Variants in GPR158 observed in about 807,000 individuals in gnomAD.
GPR158 encodes the protein G protein-coupled receptor 158.
Under a neutral mutation model 78.2 loss-of-function variants are expected in GPR158, and 30 were observed. The ratio of observed to expected loss-of-function variants is 0.38; its 90% CI spans 0.29 to 0.52. The LOEUF (loss-of-function observed/expected upper bound fraction) is 0.52. GPR158 is among the 20% of genes least tolerant of loss of function. The probability of loss-of-function intolerance (pLI) is 0.83; values close to 1 mark genes in which losing one functional copy is unlikely to be tolerated. For missense variants in GPR158, 1,463 were observed against 1,523.5 expected (o/e 0.96, Z 0.66); for synonymous variants, 581 against 591.1 (o/e 0.98, Z 0.25).
chr10:25,219,719 C>G (rs1853272143), intron 1 of GPR158, among the ~76,000 whole-genome samples: 1 of 152,078 alleles, frequency 6.6e-6, no homozygotes, highest in Non-Finnish European at 1.5e-5. Context: ...TTTATTCACC[C>G]CAAAGGAAGC....
chr10:25,487,598 T>C (rs1835751715), intron 5 of GPR158, among the ~76,000 whole-genome samples: 1 of 152,182 alleles, frequency 6.6e-6, no homozygotes, highest in Non-Finnish European at 1.5e-5. Flanking sequence ...GACCTTGGGT[T>C]ACTCATTTCA....
chr10:25,319,297 G>T (rs1248809529), intron 2 of GPR158, among the ~76,000 whole-genome samples: 1 of 152,086 alleles, frequency 6.6e-6, no homozygotes, highest in Non-Finnish European at 1.5e-5. Flanking sequence ...CATCACACTT[G>T]TCACAGTATA....
chr10:25,597,689 CT>C lies in GPR158; in HGVS notation c.2146-82del, dbSNP rs925297766. The stretch of plus-strand genomic sequence containing the variant: ...TGCCCCAAATTAGAGCCCAAGTTTA[CT>C]GAATTCCAATACCATGTAGTGATCT... On this transcript the variant is annotated intron_variant, in intron 10 of 10. Coordinates refer to ENST00000376351, the MANE Select transcript of GPR158 (RefSeq NM_020752.3). The C allele has an allele frequency of 6.3e-6, 7 of 1,114,276 alleles. No homozygotes were observed. The African/African-American group carries it at 9.4e-5, about 15-fold the overall frequency. The allele number at this position is 1,114,276 out of a possible 1,614,324, so 69.0% of individuals were successfully genotyped here.
intron 4 of GPR158, among the ~76,000 whole-genome samples, chr10:25,425,716 C>A (rs530321458): frequency 6.6e-6 from 1 of 151,556 alleles, no homozygotes; most frequent in Non-Finnish European, 1.5e-5. Flanking sequence ...AACAAACAAT[C>A]CCATTTTATG....
At chr10:25,418,853 C>A (rs889790549) in intron 4 of GPR158, among the ~76,000 whole-genome samples, 26 of 149,488 alleles carry the variant, frequency 1.7e-4, no homozygotes, top group Admixed American at 2.7e-4. Context: ...AAAACATGGA[C>A]ACACTGTAGT....
intron 2 of GPR158, among the ~76,000 whole-genome samples, chr10:25,315,258 C>T (rs563684429): frequency 1.3e-5 from 2 of 152,130 alleles, no homozygotes; most frequent in Admixed American, 1.3e-4. Context: ...TCTTGCATAT[C>T]TTGTCATTTC....
At chr10:25,318,379 A>G (rs886556043) in intron 2 of GPR158, among the ~76,000 whole-genome samples, 1 of 151,678 alleles carries the variant, frequency 6.6e-6, no homozygotes, top group Non-Finnish European at 1.5e-5. Context: ...TTTCCGTGTA[A>G]TTACACTTTG....
At position 25,317,716 on chromosome 10, in the gene GPR158, G is replaced by GTTTTTTTTTTTTTTT. The variant is rs756759445; in HGVS notation, c.1009-78186_1009-78185insTTTTTTTTTTTTTTT. Among the ~76,000 whole-genome samples the GTTTTTTTTTTTTTTT allele has an allele frequency of 9.2e-4, 123 of 134,030 alleles. 10 individuals are homozygous for GTTTTTTTTTTTTTTT. The highest frequency in any genetic ancestry group is 3.9e-3 in the Middle Eastern group (1 of 254). The allele number at this position is 134,030 out of a possible 152,430, so 87.9% of individuals were successfully genotyped here. On this transcript the variant is annotated intron_variant, in intron 2 of 10. Coordinates refer to ENST00000376351, the MANE Select transcript of GPR158 (RefSeq NM_020752.3). ...TTAAATTCTGTTTTCTTCGTAAAGTGTTTTTTTTTGTTTTGTTTTGTTTTG... is the reference window on the plus strand; with the variant it reads ...TTAAATTCTGTTTTCTTCGTAAAGTGTTTTTTTTTTTTTTTTTTTTTTTTGTTTTGTTTTGTTTTG...
At chr10:25,302,612 C>T (rs58585465) in intron 2 of GPR158, among the ~76,000 whole-genome samples, 30,753 of 151,940 alleles carry the variant, frequency 0.2, 5,256 homozygotes, top group African/African-American at 0.47. Flanking sequence ...TTGGGACTTG[C>T]GAGCCACATA....
At chr10:25,269,645 CCAGA>C (rs1487813621) in intron 2 of GPR158, among the ~76,000 whole-genome samples, 1 of 152,162 alleles carries the variant, frequency 6.6e-6, no homozygotes, top group East Asian at 1.9e-4. Context: ...ACAGTATAGA[CCAGA>C]CACTCACGTA....
intron 6 of GPR158, among the ~76,000 whole-genome samples, chr10:25,569,351 G>T (rs1414044): frequency 5.9e-5 from 9 of 152,024 alleles, no homozygotes; most frequent in Admixed American, 2.6e-4. Flanking sequence ...AACTTAACTG[G>T]TTAAGAAGTA....
intron 2 of GPR158, among the ~76,000 whole-genome samples, chr10:25,370,519 T>A (rs1833972197): frequency 7.4e-6 from 1 of 134,988 alleles, no homozygotes; most frequent in Admixed American, 7.4e-5. Context: ...TTGATTGCAC[T>A]GTGGTCTGAG....
intron 2 of GPR158, among the ~76,000 whole-genome samples, chr10:25,278,299 A>G (rs1008002792): frequency 6.6e-6 from 1 of 152,218 alleles, no homozygotes; most frequent in South Asian, 2.1e-4. Context: ...TGATAAAATT[A>G]ACTCATAAAT....
At chr10:25,305,018 T>C (rs1854650742) in intron 2 of GPR158, among the ~76,000 whole-genome samples, 1 of 152,232 alleles carries the variant, frequency 6.6e-6, no homozygotes, top group Admixed American at 6.5e-5. Flanking sequence ...TCTAGGGCTC[T>C]ACCTGTTCAG....
chr10:25,216,597 G>T (rs534910923), intron 1 of GPR158, among the ~76,000 whole-genome samples: 1 of 152,188 alleles, frequency 6.6e-6, no homozygotes, highest in South Asian at 2.1e-4. Context: ...TATAGACCAT[G>T]GAAATTTTAG....
chr10:25,471,706 T>A (rs1835506219), intron 5 of GPR158, among the ~76,000 whole-genome samples: 1 of 152,236 alleles, frequency 6.6e-6, no homozygotes. Flanking sequence ...ATTTCTCTGA[T>A]GGCCAGTGAT....
chr10:25,198,764 G>T (rs1444344955), intron 1 of GPR158, among the ~76,000 whole-genome samples: 1 of 152,122 alleles, frequency 6.6e-6, no homozygotes, highest in Admixed American at 6.6e-5. Context: ...GAAAAATGCT[G>T]TGACGTTGCG....
intron 2 of GPR158, among the ~76,000 whole-genome samples, chr10:25,243,433 C>A (rs1015386831): frequency 2.0e-5 from 3 of 152,276 alleles, no homozygotes; most frequent in Admixed American, 2.0e-4. Context: ...ACAAGTGGAT[C>A]TTTTTGGAAG....
chr10:25,278,409 C>T (rs980030477), intron 2 of GPR158, among the ~76,000 whole-genome samples: 3 of 151,808 alleles, frequency 2.0e-5, no homozygotes, highest in African/African-American at 4.8e-5. Context: ...AAAATATGAG[C>T]GATTAAGATA....
Sources: gnomAD v4.1 joint callset for allele counts (sites outside exome capture counted in the v4.1 genomes callset) on GRCh38, gnomAD v4.1.1 for gene constraint, MANE v1.5 for transcripts, NCBI Gene and HGNC (gene_info 2026-07-23, HGNC 2026-07-21) for gene names.